MYO3A: variants seen among roughly 807,000 people sequenced by gnomAD.
The protein encoded by MYO3A is myosin-IIIa.
A neutral mutation model predicts 192.7 loss-of-function variants in MYO3A; 180 were observed. That is an observed-to-expected ratio of 0.93 (90% confidence interval 0.83 to 1.06). MYO3A has a LOEUF of 1.06. MYO3A is among the 50% of genes least tolerant of loss of function. The pLI is 0.00. For missense variants in MYO3A, 1,896 were observed against 1,905.0 expected, an observed-to-expected ratio of 1.00 and a Z score of 0.09; for synonymous variants, 628 against 645.3, an observed-to-expected ratio of 0.97 and a Z score of 0.41.
chr10:25,971,386 T>C (rs375717821), intron 4 of MYO3A, among the ~76,000 whole-genome samples: 2 of 152,224 alleles, frequency 1.3e-5, no homozygotes, highest in African/African-American at 2.4e-5. Context: ...GGAAGAAATA[T>C]GCATTTACAG....
At chr10:26,064,038 G>A (rs1834662086) in intron 10 of MYO3A, among the ~76,000 whole-genome samples, 1 of 152,108 alleles carries the variant, frequency 6.6e-6, no homozygotes, top group South Asian at 2.1e-4. Context: ...AATCTAGATT[G>A]GCATTATATT....
At chr10:26,136,028 C>A (rs1041486485) in intron 20 of MYO3A, among the ~76,000 whole-genome samples, 1 of 151,778 alleles carries the variant, frequency 6.6e-6, no homozygotes, top group Non-Finnish European at 1.5e-5. Flanking sequence ...CTACCTTCCC[C>A]GGCCCCATCT....
rs201061996 is a variant in MYO3A, at chr10:26,166,091, G to A, written c.3024G>A (p.Ser1008=). ...GGTACTACCTTCTCTGCTACAAGTCGAGCGAGGAGCCCCGCATGAGCCCTG... is the reference window on the plus strand; with the variant it reads ...GGTACTACCTTCTCTGCTACAAGTCAAGCGAGGAGCCCCGCATGAGCCCTG... The part of the protein sequence containing the change: ...IKRYYLLCYK[S]SEEPRMSPDT... The change falls in exon 27 of 35, where the codon TCG becomes TCA. Residue 1008 remains serine, a synonymous_variant. Coordinates refer to ENST00000642920, the MANE Select transcript of MYO3A (RefSeq NM_017433.5). 6.7e-5 allele frequency: 108 copies of A among 1,614,076 alleles called. 1 individual carries two copies. In the East Asian group the frequency reaches 2.1e-3, roughly 32 times the overall value.
intron 7 of MYO3A, among the ~76,000 whole-genome samples, chr10:26,018,138 A>C (rs11014911): frequency 0.1 from 15,360 of 151,918 alleles, 1,418 homozygotes; most frequent in African/African-American, 0.24. Context: ...ACTAGACAGT[A>C]ATTTTTCTGA....
chr10:26,174,139 G>A lies in MYO3A; in HGVS notation c.3875G>A (p.Arg1292Lys). The A allele has an allele frequency of 6.2e-7, 1 of 1,614,168 alleles. No homozygotes were observed. Among genetic ancestry groups the A allele is most frequent in the African/African-American group, 1.3e-5 (1 of 75,030 alleles). Residue 1292 changes from arginine (R) to lysine (K), a missense_variant, in exon 30 of 35, where the codon AGG (arginine) becomes AAG (lysine). Physicochemically the swap from Arg to Lys is conservative, Grantham distance 26. Coordinates refer to ENST00000642920, the MANE Select transcript of MYO3A (RefSeq NM_017433.5). ...KKTLEPTLSQ[R>K]SIYQNANSME... ...ACTTTGGAACCTACACTTAGCCAAAGGTCAATTTATCAAAATGCAAACAGC... is the reference window on the plus strand; with the variant it reads ...ACTTTGGAACCTACACTTAGCCAAAAGTCAATTTATCAAAATGCAAACAGC...
intron 4 of MYO3A, among the ~76,000 whole-genome samples, chr10:25,975,969 C>T (rs1838941289): frequency 6.6e-6 from 1 of 152,144 alleles, no homozygotes; most frequent in African/African-American, 2.4e-5. Context: ...GAACTTTGGA[C>T]ATTGTACAAA....
intron 4 of MYO3A, among the ~76,000 whole-genome samples, chr10:25,987,787 G>C (rs1394949533): frequency 6.6e-6 from 1 of 152,162 alleles, no homozygotes; most frequent in African/African-American, 2.4e-5. Context: ...ATGGAAAACA[G>C]TGTGGGGATT....
intron 10 of MYO3A, among the ~76,000 whole-genome samples, chr10:26,044,535 G>A (rs1160925236): frequency 1.6e-4 from 25 of 152,208 alleles, no homozygotes; most frequent in Admixed American, 1.6e-3. Flanking sequence ...GTTCAGCCTA[G>A]TTTTGCTTTC....
At chr10:26,135,675 C>T (rs1344261296) in intron 20 of MYO3A, among the ~76,000 whole-genome samples, 1 of 152,020 alleles carries the variant, frequency 6.6e-6, no homozygotes, top group Admixed American at 6.6e-5. Context: ...TTTGCCATGT[C>T]CTAAAGAACA....
chr10:26,061,552 G>C (rs1377814517), intron 10 of MYO3A, among the ~76,000 whole-genome samples: 10 of 152,112 alleles, frequency 6.6e-5, no homozygotes, highest in Non-Finnish European at 1.5e-4. Context: ...GTACGGAGCT[G>C]ATGGAGAATA....
In MYO3A at chr10:26,173,831, A is replaced by C; in HGVS notation, c.3567A>C (p.Pro1189=). The C allele has an allele frequency of 1.9e-6, 3 of 1,611,608 alleles. No homozygotes were observed. The stretch of plus-strand genomic sequence containing the variant: ...GTAACAACAGAGTGTATCAGACTCC[A>C]AAAAAAATGAATAATGTGTATGAGG... ...VESNNRVYQT[P]KKMNNVYEEE... is the part of the protein sequence containing the mutation. The change falls in exon 30 of 35, where the codon CCA becomes CCC. Residue 1189 remains proline (P), a synonymous_variant. Coordinates refer to ENST00000642920, the MANE Select transcript of MYO3A (RefSeq NM_017433.5).
At chr10:25,992,339 G>A (rs1460401208) in intron 4 of MYO3A, among the ~76,000 whole-genome samples, 2 of 152,218 alleles carry the variant, frequency 1.3e-5, no homozygotes, top group Non-Finnish European at 2.9e-5. Context: ...AAGAATGCTT[G>A]TGATTTTTGC....
At chr10:26,107,387 A>T (rs1456817358) in intron 17 of MYO3A, among the ~76,000 whole-genome samples, 1 of 151,704 alleles carries the variant, frequency 6.6e-6, no homozygotes, top group Non-Finnish European at 1.5e-5. Flanking sequence ...AGGCTGAGGC[A>T]GAAAAATCAC....
At chr10:26,209,377 TC>T (rs1437104138) in intron 34 of MYO3A, among the ~76,000 whole-genome samples, 24 of 152,294 alleles carry the variant, frequency 1.6e-4, no homozygotes, top group African/African-American at 5.8e-4. Context: ...TTAAAAAACA[TC>T]CTTGACCCAA....
intron 8 of MYO3A, 61 bp from the exon 9 acceptor site, chr10:26,023,961 C>T: frequency 6.9e-7 from 1 of 1,446,256 alleles, no homozygotes; most frequent in Non-Finnish European, 9.7e-7. Context: ...TCTGGCTCTG[C>T]CTCTCATTTT....
intron 31 of MYO3A, among the ~76,000 whole-genome samples, chr10:26,180,739 AT>A (rs112081422): frequency 0.19 from 29,431 of 151,672 alleles, 3,143 homozygotes; most frequent in East Asian, 0.3. Context: ...ATACCTTGAA[AT>A]AAAGCTAGCA....
chr10:25,937,476 A>C (rs145947241), intron 2 of MYO3A, among the ~76,000 whole-genome samples: 72 of 152,314 alleles, frequency 4.7e-4, no homozygotes, highest in Middle Eastern at 3.4e-3. Context: ...GTTCCTCATA[A>C]AACTCAGGTG....
chr10:25,936,505 T>C (rs1327802735), intron 2 of MYO3A, among the ~76,000 whole-genome samples: 1 of 152,176 alleles, frequency 6.6e-6, no homozygotes, highest in Non-Finnish European at 1.5e-5. Flanking sequence ...AATTGATAAT[T>C]TGAATGATTG....
intron 25 of MYO3A, among the ~76,000 whole-genome samples, chr10:26,156,966 T>C (rs1206729429): frequency 6.6e-6 from 1 of 152,202 alleles, no homozygotes; most frequent in Non-Finnish European, 1.5e-5. Context: ...TTGTATAATA[T>C]TATAATTTGG....
Sources: allele counts gnomAD v4.1 joint callset (sites outside exome capture counted in the v4.1 genomes callset), GRCh38; gene constraint gnomAD v4.1.1; transcripts MANE v1.5; gene names NCBI Gene and HGNC (gene_info 2026-07-23, HGNC 2026-07-21).